PDE6A: variants seen among roughly 807,000 people sequenced by gnomAD.
The protein encoded by PDE6A is phosphodiesterase 6A, also known as rod cGMP-specific 3',5'-cyclic phosphodiesterase subunit alpha.
PDE6A carries 84 observed loss-of-function variants against 106.3 expected under a neutral mutation model. The ratio of observed to expected loss-of-function variants is 0.79; its 90% CI spans 0.66 to 0.95. PDE6A has a LOEUF of 0.95. PDE6A is among the 40% of genes least tolerant of loss of function. PDE6A has a pLI of 0.00. For missense variants in PDE6A, 1,052 were observed against 1,084.9 expected, an observed-to-expected ratio of 0.97 and a Z score of 0.43; for synonymous variants, 394 against 386.6, an observed-to-expected ratio of 1.02 and a Z score of -0.23.
chr5:149,884,666 C>A, intron 15 of PDE6A, 87 bp from the exon 16 acceptor site: 1 of 1,418,286 alleles, frequency 7.1e-7, no homozygotes. Context: ...CAGATGATGG[C>A]AGAGGCAGCC....
At chr5:149,933,547 A>G (rs1754103041) in intron 3 of PDE6A, among the ~76,000 whole-genome samples, 1 of 152,244 alleles carries the variant, frequency 6.6e-6, no homozygotes, top group Admixed American at 6.5e-5. Context: ...AAAAATAATA[A>G]GAAACTTCAA....
chr5:149,889,376 A>T (rs1752454771), intron 13 of PDE6A, among the ~76,000 whole-genome samples: 1 of 151,922 alleles, frequency 6.6e-6, no homozygotes, highest in Non-Finnish European at 1.5e-5. Flanking sequence ...TTCTTTATTA[A>T]AAGAGCTAAG....
intron 5 of PDE6A, 116 bp from the exon 6 acceptor site, chr5:149,915,123 C>T: frequency 1.6e-6 from 1 of 637,532 alleles, no homozygotes; most frequent in South Asian, 1.7e-5. Context: ...CAACCTCCAT[C>T]TCCTGCGTTC....
chr5:149,866,099 T>C (rs2113502879), intron 20 of PDE6A, 71 bp downstream of exon 20: 1 of 1,089,914 alleles, frequency 9.2e-7, no homozygotes. Flanking sequence ...GGTTTATTAT[T>C]CCTGCTGTTG....
chr5:149,886,419 C>T, intron 13 of PDE6A, 45 bp from the exon 14 acceptor site: 1 of 1,462,578 alleles, frequency 6.8e-7, no homozygotes. Context: ...TGTGTAGGGG[C>T]TGGAAGCAGG....
Position 149,884,789 on chromosome 5 carries a change from G to T in PDE6A, c.1917C>A (p.Leu639=). 1 of 1,613,944 alleles carries T rather than the reference G, an allele frequency of 6.2e-7. No homozygotes were observed. The highest frequency in any genetic ancestry group is 8.5e-7 in the Non-Finnish European group (1 of 1,179,858). Residue 639 remains leucine (L), a synonymous_variant, in exon 15 of 22, where the codon CTC becomes CTA. Coordinates refer to ENST00000255266, the MANE Select transcript of PDE6A (RefSeq NM_000440.3). ...RHHLEFGKTL[L]RDESLNIFQN... ...TTGGCCCTCATCCTACCTCGTCTCT[G>T]AGCAGTGTTTTGCCAAACTCCAAGT...
At position 149,934,250 on chromosome 5, in the gene PDE6A, A is replaced by T. The variant is rs138954289; in HGVS notation, c.628-231T>A. 3.9e-3 allele frequency among the ~76,000 whole-genome samples: 600 copies of T among 152,372 alleles called. 4 individuals are homozygous for T. Among genetic ancestry groups the T allele is most frequent in the African/African-American group, 0.014 (566 of 41,590 alleles). On this transcript the variant is annotated intron_variant, in intron 2 of 21. Coordinates refer to ENST00000255266, the MANE Select transcript of PDE6A (RefSeq NM_000440.3). Reference sequence around the variant, plus strand: ...CATGAAAAATAGCTACTATTTATTAATAAGTTCCCTATGAGGTTGATACTG... The same window carrying T: ...CATGAAAAATAGCTACTATTTATTATTAAGTTCCCTATGAGGTTGATACTG...
At position 149,898,488 on chromosome 5, in the gene PDE6A, C is replaced by A; in HGVS notation, c.1282G>T (p.Gly428Cys). 2.5e-6 allele frequency: 4 copies of A among 1,613,442 alleles called. No homozygotes were observed. The highest frequency in any genetic ancestry group is 3.4e-6 in the Non-Finnish European group (4 of 1,179,920). The change falls in exon 10 of 22, where the codon GGC becomes TGC. Residue 428 changes from glycine to cysteine, a missense_variant. By Grantham distance (159) the Gly-to-Cys change is radical. Coordinates refer to ENST00000255266, the MANE Select transcript of PDE6A (RefSeq NM_000440.3). ...TLMESLTQFL[G>C]WSVLNPDTYE... ...GTGTCAGGATTTAAGACAGACCAGC[C>A]CAGAAATTGAGTCAAAGACTGAAAA...
intron 8 of PDE6A, among the ~76,000 whole-genome samples, chr5:149,900,913 C>CTATGTTT (rs1273195526): frequency 4.6e-5 from 7 of 151,906 alleles, no homozygotes; most frequent in African/African-American, 1.7e-4. Flanking sequence ...TTGATTCAAC[C>CTATGTTT]TATGTTTTTT....
intron 3 of PDE6A, 29 bp downstream of exon 3, chr5:149,933,901 A>C: frequency 6.6e-7 from 1 of 1,526,610 alleles, no homozygotes; most frequent in Non-Finnish European, 9.1e-7. Context: ...GGACGAGTCA[A>C]GTCCATTCCC....
Position 149,896,369 on chromosome 5 carries a change from T to C in PDE6A, c.1607A>G (p.His536Arg), listed in dbSNP as rs890622058. The C allele has an allele frequency of 4.3e-6, 7 of 1,613,660 alleles. No homozygotes were observed. Among genetic ancestry groups the C allele is most frequent in the Non-Finnish European group, 5.9e-6 (7 of 1,179,650 alleles). ...TTTTGACCTCACCTCTTGTGGAATG[T>C]GAAATTTATCCACCACTTTGAGCTC... ...YYELKVVDKFHIPQEALVRFM... is the reference protein window; with the variant it reads ...YYELKVVDKFRIPQEALVRFM... The change falls in exon 12 of 22, where the codon CAC becomes CGC. Residue 536 changes from histidine to arginine, a missense_variant. Around this residue, in one of 3 missense-constraint regions of PDE6A, gnomAD observed 913 missense variants for 915.2 expected, o/e 1.00. Transcript: ENST00000255266.
At position 149,863,217 on chromosome 5, in the gene PDE6A, G is replaced by A; in HGVS notation, c.2408C>T (p.Thr803Ile). Residue 803 changes from threonine (T) to isoleucine (I), a missense_variant, in exon 21 of 22, where the codon ACC (threonine) becomes ATC (isoleucine). Thr to Ile is a moderately conservative substitution (Grantham distance 89, BLOSUM62 -1). Coordinates refer to ENST00000255266, the MANE Select transcript of PDE6A (RefSeq NM_000440.3). The surrounding 1 kb of genome is among the most constrained non-coding windows in gnomAD (Gnocchi z 4.7). ...EEITPMLDGI[T>I]NNRKEWKALA... is the part of the protein sequence containing the mutation. ...CGCCTTCCACTCCTTGCGATTGTTG[G>A]TGATCCCGTCCAACATTGGGGTGAT... The A allele has an allele frequency of 1.9e-6, 3 of 1,614,132 alleles. No individual in the cohort carries two copies. Among genetic ancestry groups the A allele is most frequent in the Non-Finnish European group, 2.5e-6 (3 of 1,179,994 alleles).
chr5:149,871,872 A>C (rs1213318193), intron 17 of PDE6A, among the ~76,000 whole-genome samples: 1 of 152,216 alleles, frequency 6.6e-6, no homozygotes, highest in Admixed American at 6.5e-5. Context: ...GCTGGCAATA[A>C]AGAGAAATGT....
At chr5:149,864,327 C>T (rs888546263) in intron 20 of PDE6A, among the ~76,000 whole-genome samples, 2 of 152,086 alleles carry the variant, frequency 1.3e-5, no homozygotes, top group African/African-American at 2.4e-5. Flanking sequence ...CAACCTCCGC[C>T]TCCCAGGTTC....
At chr5:149,862,806 ATCT>A (rs1760190628) in intron 21 of PDE6A, among the ~76,000 whole-genome samples, 1 of 152,144 alleles carries the variant, frequency 6.6e-6, no homozygotes, top group South Asian at 2.1e-4. Context: ...ATAATTATAG[ATCT>A]TCTCCTTTGT....
At chr5:149,882,861 C>T (rs551796284) in intron 17 of PDE6A, among the ~76,000 whole-genome samples, 1 of 152,256 alleles carries the variant, frequency 6.6e-6, no homozygotes, top group Admixed American at 6.5e-5. Context: ...AGTTTAAAAC[C>T]AGCCTAGGCA....
chr5:149,867,949 G>A (rs1760391396), intron 18 of PDE6A, 146 bp downstream of exon 18: 1 of 1,085,634 alleles, frequency 9.2e-7, no homozygotes. Flanking sequence ...TCACTGGAGA[G>A]ACGTAAAATG....
chr5:149,939,287 C>T (rs1209878032), intron 1 of PDE6A, among the ~76,000 whole-genome samples: 1 of 152,118 alleles, frequency 6.6e-6, no homozygotes, highest in African/African-American at 2.4e-5. Context: ...AACAGGCCGT[C>T]CCTTAGCACA....
chr5:149,869,587 G>T (rs1760461833), intron 17 of PDE6A, among the ~76,000 whole-genome samples: 1 of 152,212 alleles, frequency 6.6e-6, no homozygotes, highest in Non-Finnish European at 1.5e-5. Flanking sequence ...TGTGGCATGG[G>T]CCCTAAATTC....
Sources: allele counts gnomAD v4.1 joint callset (sites outside exome capture counted in the v4.1 genomes callset), GRCh38; gene constraint gnomAD v4.1.1; regional missense constraint gnomAD v4.1.1; non-coding constraint Gnocchi (gnomAD v3.1); transcripts MANE v1.5; gene names NCBI Gene and HGNC (gene_info 2026-07-23, HGNC 2026-07-21).